Variants in CEP85L observed in about 807,000 individuals in gnomAD.
The protein encoded by CEP85L is centrosomal protein of 85 kDa-like.
CEP85L carries 60 observed loss-of-function variants against 100.3 expected under a neutral mutation model. That is an observed-to-expected ratio of 0.60 (90% CI 0.49 to 0.74). The LOEUF (loss-of-function observed/expected upper bound fraction) is 0.74, where lower values mean the gene tolerates loss of function less well. Among genes scored for constraint, CEP85L ranks in the 30% least tolerant of loss-of-function variants. The pLI is 0.00. For synonymous variants in CEP85L, 319 were observed against 322.7 expected (o/e 0.99, Z 0.12); for missense variants, 973 against 936.2 (o/e 1.04, Z -0.51).
intron 2 of CEP85L, among the ~76,000 whole-genome samples, chr6:118,626,981 C>T (rs1773838238): frequency 6.6e-6 from 1 of 152,234 alleles, no homozygotes; most frequent in Non-Finnish European, 1.5e-5. Flanking sequence ...GGGTGGATCA[C>T]TTGAGGCCAG....
At chr6:118,701,399 T>G (rs1385367333) in intron 1 of CEP85L, among the ~76,000 whole-genome samples, 3 of 152,144 alleles carry the variant, frequency 2.0e-5, no homozygotes, top group Non-Finnish European at 4.4e-5. Context: ...GTGGACTGGA[T>G]AAAGAAAATG....
At chr6:118,665,625 C>T (rs1438811071) in intron 1 of CEP85L, among the ~76,000 whole-genome samples, 1 of 152,116 alleles carries the variant, frequency 6.6e-6, no homozygotes, top group Non-Finnish European at 1.5e-5. Context: ...TCCCAAAGTG[C>T]TGGAATTACA....
intron 3 of CEP85L, among the ~76,000 whole-genome samples, chr6:118,530,355 C>A (rs747157706): frequency 7.0e-6 from 1 of 141,862 alleles, no homozygotes; most frequent in Non-Finnish European, 1.5e-5. Context: ...ATTGAAGGAA[C>A]ATACTTAAAA....
At chr6:118,608,864 G>A (rs1245323867) in intron 2 of CEP85L, among the ~76,000 whole-genome samples, 2 of 152,050 alleles carry the variant, frequency 1.3e-5, no homozygotes, top group African/African-American at 4.8e-5. Flanking sequence ...CCATAAATTG[G>A]CAGGGATTTT....
chr6:118,692,830 G>A (rs1777090009), intron 1 of CEP85L, among the ~76,000 whole-genome samples: 1 of 92,862 alleles, frequency 1.1e-5, no homozygotes, highest in African/African-American at 3.9e-5. Context: ...TTGCTGGCAG[G>A]CAGGAAATCA....
intron 1 of CEP85L, among the ~76,000 whole-genome samples, chr6:118,705,953 T>C (rs1777580894): frequency 6.6e-6 from 1 of 152,232 alleles, no homozygotes; most frequent in Non-Finnish European, 1.5e-5. Context: ...CCTTTCCTGC[T>C]AAGCCCGCCC....
chr6:118,633,073 A>G (rs1483541386), intron 1 of CEP85L, among the ~76,000 whole-genome samples: 3 of 152,202 alleles, frequency 2.0e-5, no homozygotes, highest in Non-Finnish European at 4.4e-5. Context: ...TTTCTGCTAT[A>G]TATCTACTAA....
At chr6:118,594,853 C>CAAA in intron 2 of CEP85L, among the ~76,000 whole-genome samples, 1 of 105,942 alleles carries the variant, frequency 9.4e-6, no homozygotes, top group African/African-American at 3.6e-5. Flanking sequence ...GAGATTGTCT[C>CAAA]AAAAAAAAAA....
intron 2 of CEP85L, among the ~76,000 whole-genome samples, chr6:118,600,300 G>GGGGTGTGTGTGTGTGTGTGTGT (rs1562297733): frequency 1.9e-5 from 1 of 52,236 alleles, no homozygotes; most frequent in Non-Finnish European, 4.0e-5. Context: ...CCTTCCTGGG[G>GGGGTGTGTGTGTGTGTGTGTGT]GTGTGTGTGT....
chr6:118,510,175 T>C (rs1358893834), intron 5 of CEP85L, among the ~76,000 whole-genome samples: 1 of 152,118 alleles, frequency 6.6e-6, no homozygotes, highest in Non-Finnish European at 1.5e-5. Flanking sequence ...ATGTCACTGT[T>C]TGGTTAAATA....
intron 1 of CEP85L, among the ~76,000 whole-genome samples, chr6:118,663,119 A>C (rs567493385): frequency 4.0e-4 from 61 of 152,202 alleles, no homozygotes; most frequent in Non-Finnish European, 7.9e-4. Flanking sequence ...TAAGAAAATA[A>C]TTTTGGTGAA....
chr6:118,559,639 C>T (rs1562260795), intron 3 of CEP85L: 2 of 169,168 alleles, frequency 1.2e-5, no homozygotes, highest in Non-Finnish European at 2.9e-5. Context: ...CATTCTAAAA[C>T]AGAAATTGTA....
At chr6:118,561,559 GT>G (rs1779225555) in intron 3 of CEP85L, among the ~76,000 whole-genome samples, 1 of 152,114 alleles carries the variant, frequency 6.6e-6, no homozygotes, top group Non-Finnish European at 1.5e-5. Flanking sequence ...GCTCAAATAT[GT>G]TCTACTATAG....
At chr6:118,681,457 C>T (rs905509575) in intron 1 of CEP85L, among the ~76,000 whole-genome samples, 4 of 152,038 alleles carry the variant, frequency 2.6e-5, no homozygotes, top group East Asian at 1.9e-4. Flanking sequence ...CATATTCAGA[C>T]GATTTTTTCA....
chr6:118,609,998 C>CA (rs1307161913), intron 2 of CEP85L, among the ~76,000 whole-genome samples: 8 of 147,642 alleles, frequency 5.4e-5, no homozygotes, highest in South Asian at 2.1e-4. Context: ...AAGAGAGACG[C>CA]AAAAAAAAAT....
At chr6:118,650,104 T>G (rs779997659) in intron 1 of CEP85L, among the ~76,000 whole-genome samples, 7 of 152,220 alleles carry the variant, frequency 4.6e-5, no homozygotes, top group Non-Finnish European at 8.8e-5. Context: ...TTTGGAAATG[T>G]ATGCAAAAAT....
chr6:118,675,423 G>T (rs980857209), intron 1 of CEP85L, among the ~76,000 whole-genome samples: 4 of 151,942 alleles, frequency 2.6e-5, no homozygotes, highest in Admixed American at 1.3e-4. Context: ...TAATGTTGAT[G>T]GTTGCACAAC....
chr6:118,490,223 TAC>T (rs1228474800), intron 6 of CEP85L, among the ~76,000 whole-genome samples: 4 of 152,184 alleles, frequency 2.6e-5, no homozygotes, highest in African/African-American at 9.7e-5. Context: ...CTTCGATGCA[TAC>T]AAAGTTTCAA....
chr6:118,656,751 T>G (rs940256388), upstream of CEP85L: 12 of 152,238 alleles, frequency 7.9e-5, no homozygotes, highest in African/African-American at 2.7e-4. Flanking sequence ...CTTAAAAATT[T>G]TCTTTATGCT....
Sources: allele counts gnomAD v4.1 joint callset (sites outside exome capture counted in the v4.1 genomes callset), GRCh38; gene constraint gnomAD v4.1.1; transcripts MANE v1.5; gene names NCBI Gene and HGNC (gene_info 2026-07-23, HGNC 2026-07-21).